The following BCAS3 variants were observed in gnomAD, a reference collection of about 807,000 sequenced individuals.
The protein encoded by BCAS3 is BCAS4/BCAS3 fusion.
In BCAS3, 53 loss-of-function variants were observed where a neutral mutation model predicts 116.1. The ratio of observed to expected loss-of-function variants is 0.46; its 90% CI spans 0.37 to 0.57. The LOEUF (loss-of-function observed/expected upper bound fraction) is 0.57. Ranked by LOEUF, BCAS3 falls within the 20% of genes least tolerant of loss-of-function variation. The probability of loss-of-function intolerance (pLI) is 0.00; values close to 1 mark genes in which losing one functional copy is unlikely to be tolerated. For missense variants in BCAS3, 917 were observed against 1,165.4 expected (o/e 0.79, Z 3.10); for synonymous variants, 391 against 408.2 (o/e 0.96, Z 0.51).
intron 18 of BCAS3, among the ~76,000 whole-genome samples, chr17:61,039,769 T>C (rs1340041002): frequency 6.6e-6 from 1 of 152,166 alleles, no homozygotes; most frequent in Non-Finnish European, 1.5e-5. Context: ...GGAGAATACC[T>C]CTGTTTGAAC....
At chr17:61,230,168 C>CACACACAT (rs780570387) in intron 22 of BCAS3, among the ~76,000 whole-genome samples, 3 of 115,388 alleles carry the variant, frequency 2.6e-5, no homozygotes, top group African/African-American at 8.0e-5. Context: ...CACACACACA[C>CACACACAT]ACACACATAG....
Position 60,967,760 on chromosome 17 carries a change from A to G in BCAS3, c.1221+20408A>G, listed in dbSNP as rs2061737071. Among the ~76,000 whole-genome samples the G allele has an allele frequency of 6.6e-6, 1 of 151,632 alleles. No homozygotes were observed. Among genetic ancestry groups the G allele is most frequent in the Admixed American group, 6.6e-5 (1 of 15,232 alleles). ...TCTCCCACCACCCCCCACACCCCCA[A>G]TTGTATTTTCAAATAGCCAGTATTT... On this transcript the variant is annotated intron_variant, in intron 14 of 23. Coordinates refer to ENST00000407086, the MANE Select transcript of BCAS3 (RefSeq NM_017679.5). The surrounding 1 kb of genome is among the most constrained non-coding windows in gnomAD (Gnocchi z 4.7).
At chr17:60,890,101 CAGGAGGCAGG>C (rs1236129776) in intron 10 of BCAS3, among the ~76,000 whole-genome samples, 60 of 152,160 alleles carry the variant, frequency 3.9e-4, no homozygotes, top group Non-Finnish European at 8.8e-5. Context: ...TTTTAGAAAT[CAGGAGGCAGG>C]AGTAACTTCT....
chr17:60,922,301 A>G (rs1350036364), intron 12 of BCAS3, among the ~76,000 whole-genome samples: 1 of 152,082 alleles, frequency 6.6e-6, no homozygotes, highest in Non-Finnish European at 1.5e-5. Flanking sequence ...TAATTTTTGT[A>G]GTTTTAGTAG....
Position 61,131,376 on chromosome 17 carries a change from C to T in BCAS3, c.2425+46812C>T, listed in dbSNP as rs2143870700. Among the ~76,000 whole-genome samples the T allele has an allele frequency of 6.6e-6, 1 of 152,192 alleles. No homozygotes were observed. The highest frequency in any genetic ancestry group is 3.4e-3 in the Middle Eastern group (1 of 294). ...ATAGTTTTAATTATCTTAATTTATC[C>T]TCTGTTCCTCTGCCTTGGGCTTATT... On this transcript the variant is annotated intron_variant, in intron 22 of 23. Coordinates refer to ENST00000407086, the MANE Select transcript of BCAS3 (RefSeq NM_017679.5). The surrounding 1 kb of genome is among the most constrained non-coding windows in gnomAD (Gnocchi z 4.4).
At chr17:61,374,689 T>C (rs576957801) in intron 23 of BCAS3, among the ~76,000 whole-genome samples, 1 of 152,376 alleles carries the variant, frequency 6.6e-6, no homozygotes, top group South Asian at 2.1e-4. Context: ...CATAGTGGGC[T>C]CAGTCTTTGC....
At chr17:61,001,162 C>CT (rs2064211464) in intron 15 of BCAS3, among the ~76,000 whole-genome samples, 1 of 152,078 alleles carries the variant, frequency 6.6e-6, no homozygotes, top group Admixed American at 6.5e-5. Flanking sequence ...CTAGATTCTG[C>CT]TTTTTCTAAA....
intron 22 of BCAS3, among the ~76,000 whole-genome samples, chr17:61,230,160 CACA>C (rs1246444778): frequency 6.6e-5 from 10 of 151,950 alleles, no homozygotes; most frequent in African/African-American, 9.7e-5. Context: ...CACACACACA[CACA>C]CACACACACA....
intron 7 of BCAS3, among the ~76,000 whole-genome samples, chr17:60,850,168 T>C (rs2144798693): frequency 6.6e-6 from 1 of 152,224 alleles, no homozygotes; most frequent in East Asian, 1.9e-4. Context: ...ATACAACTAA[T>C]ATCCATAGTT....
chr17:61,106,783 G>T lies in BCAS3; in HGVS notation c.2425+22219G>T, dbSNP rs932972616. On this transcript the variant is annotated intron_variant, in intron 22 of 23. Coordinates refer to ENST00000407086, the MANE Select transcript of BCAS3 (RefSeq NM_017679.5). This position sits in a 1 kb window ranked among gnomAD's most constrained non-coding sequence, Gnocchi z 4.2. ...TTAATGGTGGCTGGATCATTTATTT[G>T]TCTGATTTTCTATCATTAAACTTTG... Among the ~76,000 whole-genome samples the T allele has an allele frequency of 1.3e-5, 2 of 152,172 alleles. No homozygotes were observed. Among genetic ancestry groups the T allele is most frequent in the Middle Eastern group, 3.4e-3 (1 of 292 alleles).
Position 61,077,002 on chromosome 17 carries a change from A to G in BCAS3, c.2131-1331A>G, listed in dbSNP as rs2072060728. ...CACAATCAGAGAAATGTGATTAAATATAAAAGAACTCAGGACAAAAATAAG... is the reference window on the plus strand; with the variant it reads ...CACAATCAGAGAAATGTGATTAAATGTAAAAGAACTCAGGACAAAAATAAG... On this transcript the variant is annotated intron_variant, in intron 20 of 23. Transcript: ENST00000407086. This position sits in a 1 kb window ranked among gnomAD's most constrained non-coding sequence, Gnocchi z 4.3. 1.3e-5 allele frequency among the ~76,000 whole-genome samples: 2 copies of G among 152,236 alleles called. No homozygotes were observed. The highest frequency in any genetic ancestry group is 4.8e-5 in the African/African-American group (2 of 41,462).
In BCAS3 at chr17:61,360,890, A is replaced by G. The variant is rs185149367; in HGVS notation, c.2426-7437A>G. Reference sequence around the variant, plus strand: ...TCCAACGTCATGCAGTGAGAAAGTAACAAGAGCTGGCATTTGAACCCAGGT... The same window carrying G: ...TCCAACGTCATGCAGTGAGAAAGTAGCAAGAGCTGGCATTTGAACCCAGGT... On this transcript the variant is annotated intron_variant, in intron 22 of 23. Transcript: ENST00000407086. Among the ~76,000 whole-genome samples the G allele has an allele frequency of 3.6e-4, 55 of 152,362 alleles. 1 individual carries two copies. Among genetic ancestry groups the G allele is most frequent in the Admixed American group, 2.7e-3 (41 of 15,312 alleles).
chr17:60,725,646 G>A (rs1487054265), intron 5 of BCAS3, among the ~76,000 whole-genome samples: 1 of 152,136 alleles, frequency 6.6e-6, no homozygotes, highest in Non-Finnish European at 1.5e-5. Context: ...CATGTGGTAG[G>A]TAGAAGCCAG....
chr17:60,709,947 G>A (rs1285016224), intron 5 of BCAS3, among the ~76,000 whole-genome samples: 1 of 152,042 alleles, frequency 6.6e-6, no homozygotes, highest in Non-Finnish European at 1.5e-5. Flanking sequence ...TCATTATTTG[G>A]CATAATCTAA....
chr17:61,309,190 T>C lies in BCAS3; in HGVS notation c.2426-59137T>C, dbSNP rs1290073632. 1.3e-5 allele frequency among the ~76,000 whole-genome samples: 2 copies of C among 152,136 alleles called. No homozygotes were observed. The highest frequency in any genetic ancestry group is 4.8e-5 in the African/African-American group (2 of 41,416). On this transcript the variant is annotated intron_variant, in intron 22 of 23. Coordinates refer to ENST00000407086, the MANE Select transcript of BCAS3 (RefSeq NM_017679.5). This position sits in a 1 kb window ranked among gnomAD's most constrained non-coding sequence, Gnocchi z 4.6. ...GTGACAGGGAAAAAAGAACGTTAGC[T>C]CATGTGAGGATACGTATAAGGGAAT...
chr17:60,710,854 G>C (rs1308510944), intron 5 of BCAS3, among the ~76,000 whole-genome samples: 3 of 150,436 alleles, frequency 2.0e-5, no homozygotes, highest in African/African-American at 7.4e-5. Context: ...CCAGGCTCGA[G>C]GGCAGTGGCA....
chr17:61,062,497 T>C (rs897840040), intron 19 of BCAS3, among the ~76,000 whole-genome samples: 1 of 152,174 alleles, frequency 6.6e-6, no homozygotes, highest in Non-Finnish European at 1.5e-5. Flanking sequence ...GCTATCCTAC[T>C]GTTGGTGATT....
chr17:60,889,848 C>T, intron 10 of BCAS3, 77 bp downstream of exon 10: 1 of 1,305,132 alleles, frequency 7.7e-7, no homozygotes, highest in Non-Finnish European at 1.1e-6. Context: ...TACCTGTGCT[C>T]CATAGTTGAT....
At chr17:60,687,886 A>C (rs2034298112) in intron 3 of BCAS3, 1 of 152,188 alleles carries the variant, frequency 6.6e-6, no homozygotes, top group Non-Finnish European at 1.5e-5. Context: ...GGAAACTTGA[A>C]GACATAGTGA....
Sources: allele counts gnomAD v4.1 joint callset (sites outside exome capture counted in the v4.1 genomes callset), GRCh38; gene constraint gnomAD v4.1.1; non-coding constraint Gnocchi (gnomAD v3.1); transcripts MANE v1.5; gene names NCBI Gene and HGNC (gene_info 2026-07-23, HGNC 2026-07-21).